RABGEF1: variants seen among roughly 807,000 people sequenced by gnomAD.
RABGEF1 encodes the protein rab5 GDP/GTP exchange factor.
RABGEF1 carries 26 observed loss-of-function variants against 57.3 expected under a neutral mutation model. That is an observed-to-expected ratio of 0.45 (90% confidence interval 0.33 to 0.63). RABGEF1 has a LOEUF of 0.63. Ranked by LOEUF, RABGEF1 falls within the 20% of genes least tolerant of loss-of-function variation. The pLI is 0.02. For synonymous variants in RABGEF1, 185 were observed against 210.7 expected (o/e 0.88, Z 1.06); for missense variants, 464 against 607.6 (o/e 0.76, Z 2.48).
chr7:66,689,257 A>C (rs1791166243), intron 1 of RABGEF1, among the ~76,000 whole-genome samples: 1 of 152,096 alleles, frequency 6.6e-6, no homozygotes, highest in Admixed American at 6.6e-5. Context: ...GAGAATAGGT[A>C]GAATTAAAAC....
intron 1 of RABGEF1, among the ~76,000 whole-genome samples, chr7:66,699,654 T>C (rs751031531): frequency 6.6e-6 from 1 of 151,186 alleles, no homozygotes; most frequent in Non-Finnish European, 1.5e-5. Flanking sequence ...ATCGTGCCAC[T>C]GCACTCCAAC....
intron 3 of RABGEF1, among the ~76,000 whole-genome samples, chr7:66,779,679 A>AG (rs1420192593): frequency 1.3e-5 from 2 of 151,800 alleles, no homozygotes; most frequent in Non-Finnish European, 2.9e-5. Flanking sequence ...TTAAAAAAAA[A>AG]AAAAAAAACA....
At chr7:66,738,678 G>A (rs797011670), upstream of RABGEF1, among the ~76,000 whole-genome samples, 4 of 148,588 alleles carry the variant, frequency 2.7e-5, no homozygotes, top group African/African-American at 7.4e-5. Context: ...GCTGGAGTGC[G>A]CCGAGATTGC....
At chr7:66,684,963 A>G (rs571264020) in intron 1 of RABGEF1, among the ~76,000 whole-genome samples, 1 of 151,992 alleles carries the variant, frequency 6.6e-6, no homozygotes, top group South Asian at 2.1e-4. Context: ...TGGAATCCCT[A>G]TATGTTTCCC....
the RABGEF1 span, among the ~76,000 whole-genome samples, chr7:66,660,185 A>T: frequency 2.6e-5 from 4 of 151,926 alleles, no homozygotes; most frequent in Non-Finnish European, 5.9e-5. Context: ...ATCTCTACTA[A>T]AAATAGAAAA....
intron 3 of RABGEF1, among the ~76,000 whole-genome samples, chr7:66,781,981 A>G (rs1810023201): frequency 6.6e-6 from 1 of 152,166 alleles, no homozygotes; most frequent in African/African-American, 2.4e-5. Flanking sequence ...CCTTTTGTTC[A>G]TATTTTTGTC....
Position 66,797,641 on chromosome 7 carries a change from G to A in RABGEF1, c.728+135G>A, listed in dbSNP as rs890226479. 9.1e-6 allele frequency: 9 copies of A among 991,208 alleles called. No individual in the cohort carries two copies. In the African/African-American group the frequency reaches 9.9e-5, roughly 11 times the overall value. The allele number at this position is 991,208 out of a possible 1,614,324, so 61.4% of individuals were successfully genotyped here. On this transcript the variant is annotated intron_variant, in intron 6 of 8. Transcript: ENST00000284957. ...ATGTTCCTGCTTCCTTAGAGTGGAA[G>A]CAGCTCTGTTGTGTAAGAAAGACGA...
intron 2 of RABGEF1, among the ~76,000 whole-genome samples, chr7:66,720,931 T>C (rs1263721354): frequency 6.6e-6 from 1 of 152,166 alleles, no homozygotes; most frequent in African/African-American, 2.4e-5. Flanking sequence ...TTATTGTTGT[T>C]ATTTGAGACA....
chr7:66,732,763 C>G (rs761182031), intron 2 of RABGEF1, among the ~76,000 whole-genome samples: 2 of 150,924 alleles, frequency 1.3e-5, no homozygotes, highest in African/African-American at 4.8e-5. Context: ...CTCTTGCTGT[C>G]TCTCTTTCTC....
At chr7:66,736,143 T>C (rs1266378794), upstream of RABGEF1, among the ~76,000 whole-genome samples, 2 of 152,142 alleles carry the variant, frequency 1.3e-5, no homozygotes, top group Non-Finnish European at 2.9e-5. Flanking sequence ...CATCCTGACA[T>C]TCACTCCTGC....
intron 4 of RABGEF1, among the ~76,000 whole-genome samples, chr7:66,791,830 G>T (rs955814371): frequency 1.3e-5 from 2 of 152,140 alleles, no homozygotes; most frequent in African/African-American, 4.8e-5. Flanking sequence ...TTATAGAAAA[G>T]ATGCCAGGTG....
chr7:66,779,539 G>A (rs1196425219), intron 3 of RABGEF1, among the ~76,000 whole-genome samples: 1 of 151,882 alleles, frequency 6.6e-6, no homozygotes, highest in Non-Finnish European at 1.5e-5. Context: ...AATTAGCTGG[G>A]CTAGTGCCTG....
the RABGEF1 span, among the ~76,000 whole-genome samples, chr7:66,664,579 G>A: frequency 1.2e-4 from 18 of 152,020 alleles, no homozygotes; most frequent in African/African-American, 2.2e-4. Context: ...ACTGCAGCCC[G>A]GGCAACAGAA....
At chr7:66,717,801 C>G (rs1795575655) in intron 2 of RABGEF1, among the ~76,000 whole-genome samples, 1 of 151,952 alleles carries the variant, frequency 6.6e-6, no homozygotes, top group Non-Finnish European at 1.5e-5. Flanking sequence ...CTTAAGTGAT[C>G]CACTCGCCTT....
chr7:66,730,370 C>T (rs1402093787), intron 2 of RABGEF1, among the ~76,000 whole-genome samples: 1 of 152,148 alleles, frequency 6.6e-6, no homozygotes, highest in Non-Finnish European at 1.5e-5. Flanking sequence ...TAATCTACCA[C>T]ATAAAGGCAT....
chr7:66,774,157 T>TGCTA (rs1807944024), intron 2 of RABGEF1, among the ~76,000 whole-genome samples: 1 of 152,256 alleles, frequency 6.6e-6, no homozygotes, highest in Admixed American at 6.5e-5. Flanking sequence ...TTATCTCCCA[T>TGCTA]GCTAGCTACA....
At chr7:66,788,032 T>C (rs1811625977) in intron 4 of RABGEF1, among the ~76,000 whole-genome samples, 1 of 152,220 alleles carries the variant, frequency 6.6e-6, no homozygotes, top group Non-Finnish European at 1.5e-5. Context: ...TGTTAATAAA[T>C]CCCTCAGATA....
upstream of RABGEF1, among the ~76,000 whole-genome samples, chr7:66,679,797 G>A (rs1789565820): frequency 6.6e-6 from 1 of 152,102 alleles, no homozygotes; most frequent in Admixed American, 6.5e-5. Context: ...TGGGAGGCCA[G>A]GGTTGGCAGA....
At chr7:66,673,217 G>T in the RABGEF1 span, among the ~76,000 whole-genome samples, 1 of 144,462 alleles carries the variant, frequency 6.9e-6, no homozygotes, top group Non-Finnish European at 1.5e-5. Flanking sequence ...AGATGAAGTT[G>T]TTGAATGACT....
Sources: gnomAD v4.1 joint callset for allele counts (sites outside exome capture counted in the v4.1 genomes callset) on GRCh38, gnomAD v4.1.1 for gene constraint, MANE v1.5 for transcripts, NCBI Gene and HGNC (gene_info 2026-07-23, HGNC 2026-07-21) for gene names.